Variants in SLC2A9 observed in about 807,000 individuals in gnomAD.
The protein encoded by SLC2A9 is solute carrier family 2, facilitated glucose transporter member 9.
A neutral mutation model predicts 50.6 loss-of-function variants in SLC2A9; 39 were observed. That is an observed-to-expected ratio of 0.77 (90% CI 0.60 to 1.01). The LOEUF is 1.01. SLC2A9 is among the 50% of genes least tolerant of loss of function. The probability of loss-of-function intolerance (pLI) is 0.00; values close to 1 mark genes in which losing one functional copy is unlikely to be tolerated. For synonymous variants in SLC2A9, 324 were observed against 276.9 expected, an observed-to-expected ratio of 1.17 and a Z score of -1.69; for missense variants, 686 against 677.6, an observed-to-expected ratio of 1.01 and a Z score of -0.14.
chr4:9,979,855 G>T (rs1755413646), intron 5 of SLC2A9, among the ~76,000 whole-genome samples: 1 of 152,008 alleles, frequency 6.6e-6, no homozygotes, highest in Non-Finnish European at 1.5e-5. Context: ...TTCTTTCCCA[G>T]GGCTGTGCCC....
intron 8 of SLC2A9, among the ~76,000 whole-genome samples, chr4:9,895,003 T>C (rs1034966596): frequency 2.0e-5 from 3 of 152,232 alleles, no homozygotes; most frequent in Admixed American, 1.3e-4. Flanking sequence ...ACATATATGT[T>C]TACTGATTTC....
At chr4:9,969,722 A>G (rs576799330) in intron 5 of SLC2A9, among the ~76,000 whole-genome samples, 20 of 152,346 alleles carry the variant, frequency 1.3e-4, no homozygotes, top group African/African-American at 4.8e-4. Flanking sequence ...GGCAAGAGAC[A>G]GCATGTGCAG....
At chr4:9,886,433 T>C (rs1162045062) in intron 10 of SLC2A9, among the ~76,000 whole-genome samples, 1 of 51,702 alleles carries the variant, frequency 1.9e-5, no homozygotes, top group Non-Finnish European at 3.0e-5. Flanking sequence ...ACTGTGTGTG[T>C]GTGTGTGTGT....
chr4:9,995,205 G>A (rs188161432), intron 3 of SLC2A9, among the ~76,000 whole-genome samples: 1 of 152,176 alleles, frequency 6.6e-6, no homozygotes. Flanking sequence ...ATGTGTGAGT[G>A]GCTGGAACCT....
chr4:10,019,502 C>T (rs1763231726), intron 1 of SLC2A9, among the ~76,000 whole-genome samples: 1 of 152,208 alleles, frequency 6.6e-6, no homozygotes, highest in Admixed American at 6.5e-5. Context: ...TAGATCAGTG[C>T]TGTTATGTCC....
At chr4:9,781,977 C>A in intron 3 of SLC2A9, 1 of 1,370,844 alleles carries the variant, frequency 7.3e-7, no homozygotes, top group Non-Finnish European at 9.5e-7. Context: ...GCCTGGGGGT[C>A]GCAGGGCTGA....
At chr4:10,022,387 T>G (rs1329526245), upstream of SLC2A9, among the ~76,000 whole-genome samples, 3 of 152,278 alleles carry the variant, frequency 2.0e-5, no homozygotes, top group East Asian at 5.8e-4. Context: ...GTCGTTACTC[T>G]GTCCTGCTCA....
intron 10 of SLC2A9, among the ~76,000 whole-genome samples, chr4:9,846,901 G>A (rs1340200059): frequency 6.6e-6 from 1 of 152,174 alleles, no homozygotes; most frequent in Non-Finnish European, 1.5e-5. Flanking sequence ...CTCCACAAGT[G>A]TGTCCATATG....
chr4:9,949,491 C>T (rs181478385), intron 5 of SLC2A9, among the ~76,000 whole-genome samples: 19 of 152,234 alleles, frequency 1.2e-4, no homozygotes, highest in Non-Finnish European at 2.5e-4. Context: ...AATTTCTAGT[C>T]CATAGAAGAG....
At chr4:9,825,420 A>G (rs1238056025), downstream of SLC2A9, among the ~76,000 whole-genome samples, 3 of 152,180 alleles carry the variant, frequency 2.0e-5, no homozygotes, top group Non-Finnish European at 4.4e-5. Flanking sequence ...CCATTTTTCA[A>G]GACAGCTCAT....
intron 4 of SLC2A9, among the ~76,000 whole-genome samples, chr4:9,983,479 C>A (rs1340536356): frequency 6.6e-6 from 1 of 152,228 alleles, no homozygotes; most frequent in East Asian, 1.9e-4. Context: ...CCCAGGCCCC[C>A]CTGGCCCAGG....
intron 10 of SLC2A9, among the ~76,000 whole-genome samples, chr4:9,858,894 G>A (rs950208459): frequency 6.6e-6 from 1 of 152,208 alleles, no homozygotes; most frequent in African/African-American, 2.4e-5. Context: ...AAAGCAGGCA[G>A]GAGAAGATGG....
At chr4:9,878,145 C>CATATAT (rs936756552) in intron 10 of SLC2A9, among the ~76,000 whole-genome samples, 9 of 150,564 alleles carry the variant, frequency 6.0e-5, no homozygotes, top group African/African-American at 2.2e-4. Flanking sequence ...CACACACACA[C>CATATAT]ATATATATAT....
At chr4:9,924,041 G>C (rs1744444285) in intron 6 of SLC2A9, 1 of 152,186 alleles carries the variant, frequency 6.6e-6, no homozygotes, top group South Asian at 2.1e-4. Context: ...CAGGTCACAG[G>C]GGGTGGCAAG....
intron 10 of SLC2A9, among the ~76,000 whole-genome samples, chr4:9,866,286 C>A (rs1362905252): frequency 6.6e-6 from 1 of 152,018 alleles, no homozygotes; most frequent in African/African-American, 2.4e-5. Flanking sequence ...CAGCTCCCCT[C>A]TGTTGAGAAC....
At chr4:10,018,889 G>GGGGGCGCTGGAGCCC in intron 2 of SLC2A9, 86 bp downstream of exon 2, 1 of 1,335,786 alleles carries the variant, frequency 7.5e-7, no homozygotes, top group Non-Finnish European at 1.0e-6. Flanking sequence ...CGCAACAGGA[G>GGGGGCGCTGGAGCCC]GGGGCGCTGG....
At chr4:9,899,362 AG>A (rs2109881792) in intron 8 of SLC2A9, among the ~76,000 whole-genome samples, 2 of 152,388 alleles carry the variant, frequency 1.3e-5, no homozygotes, top group African/African-American at 4.8e-5. Flanking sequence ...CAGAAGGCCA[AG>A]GTACATTACA....
At chr4:9,989,325 G>A (rs949808456) in intron 3 of SLC2A9, among the ~76,000 whole-genome samples, 3 of 152,174 alleles carry the variant, frequency 2.0e-5, no homozygotes, top group African/African-American at 7.2e-5. Context: ...CCAACCTCAA[G>A]AAGGGTTAAG....
chr4:9,985,485 A>T (rs1039044838), intron 4 of SLC2A9, among the ~76,000 whole-genome samples, 184 bp downstream of exon 4: 3 of 152,144 alleles, frequency 2.0e-5, no homozygotes, highest in African/African-American at 7.2e-5. Flanking sequence ...CTAGAGCATC[A>T]TGAATGGGAT....
Sources: allele counts gnomAD v4.1 joint callset (sites outside exome capture counted in the v4.1 genomes callset), GRCh38; gene constraint gnomAD v4.1.1; transcripts MANE v1.5; gene names NCBI Gene and HGNC (gene_info 2026-07-23, HGNC 2026-07-21).